Variants in CADPS observed in about 807,000 individuals in gnomAD.
CADPS encodes calcium-dependent secretion activator 1.
CADPS carries 57 observed loss-of-function variants against 167.3 expected under a neutral mutation model. That is an observed-to-expected ratio of 0.34 (90% CI 0.28 to 0.42). CADPS has a LOEUF of 0.42. Ranked by LOEUF, CADPS falls within the 20% of genes least tolerant of loss-of-function variation. The pLI is 1.00. For synonymous variants in CADPS, 676 were observed against 635.3 expected, an observed-to-expected ratio of 1.06 and a Z score of -0.96; for missense variants, 1,414 against 1,738.1, an observed-to-expected ratio of 0.81 and a Z score of 3.32.
intron 10 of CADPS, 113 bp from the exon 11 acceptor site, chr3:62,550,228 G>C (rs550080443): frequency 4.0e-6 from 3 of 746,592 alleles, no homozygotes; most frequent in South Asian, 1.7e-5. Flanking sequence ...GAAGAGGGGG[G>C]TAGTGATTAA....
chr3:62,654,944 T>C (rs1032284725), intron 4 of CADPS, among the ~76,000 whole-genome samples: 1 of 152,150 alleles, frequency 6.6e-6, no homozygotes, highest in African/African-American at 2.4e-5. Flanking sequence ...TCTTAGGGAC[T>C]CACTCAGTGC....
chr3:62,822,056 A>G (rs2094946284), intron 1 of CADPS, among the ~76,000 whole-genome samples: 1 of 152,078 alleles, frequency 6.6e-6, no homozygotes, highest in Admixed American at 6.5e-5. Flanking sequence ...AATCCTTCCC[A>G]TTCTTGGAGT....
At chr3:62,721,388 T>C (rs2075803104) in intron 3 of CADPS, among the ~76,000 whole-genome samples, 1 of 152,014 alleles carries the variant, frequency 6.6e-6, no homozygotes, top group Non-Finnish European at 1.5e-5. Flanking sequence ...GAAATTACTT[T>C]ACCGTGGAGG....
In CADPS at chr3:62,518,225, C is replaced by A. The variant is rs759381698; in HGVS notation, c.2317G>T (p.Val773Phe). The A allele has an allele frequency of 6.2e-7, 1 of 1,612,600 alleles. No individual in the cohort carries two copies. The highest frequency in any genetic ancestry group is 1.7e-5 in the Admixed American group (1 of 59,974). Residue 773 changes from valine (V) to phenylalanine (F), a missense_variant, in exon 14 of 30, where the codon GTT becomes TTT. Around this residue, in one of 6 missense-constraint regions of CADPS, gnomAD observed 529 missense variants for 629.6 expected, o/e 0.84. Transcript: ENST00000383710. ...TCTTCAAAACGTTCCTTTTCTTCAA[C>A]AGTCACAGTTCCAATTCCATCAGGC... ...NRPDGIGTVT[V>F]EEKERFEEIK...
intron 21 of CADPS, among the ~76,000 whole-genome samples, chr3:62,487,499 G>C (rs1038750786): frequency 6.6e-6 from 1 of 152,192 alleles, no homozygotes; most frequent in African/African-American, 2.4e-5. Flanking sequence ...TTGACAACTT[G>C]GGACTGTCTT....
At chr3:62,653,848 C>A (rs927858061) in intron 4 of CADPS, among the ~76,000 whole-genome samples, 1 of 152,014 alleles carries the variant, frequency 6.6e-6, no homozygotes, top group Non-Finnish European at 1.5e-5. Flanking sequence ...CGTCACAGTA[C>A]CAGTTCCTTC....
intron 3 of CADPS, among the ~76,000 whole-genome samples, chr3:62,733,102 A>G (rs568961936): frequency 1.6e-4 from 25 of 152,330 alleles, no homozygotes; most frequent in African/African-American, 6.0e-4. Context: ...GACAAAGATT[A>G]AGCATACTTC....
intron 8 of CADPS, among the ~76,000 whole-genome samples, chr3:62,577,962 C>G (rs573097907): frequency 1.3e-5 from 2 of 151,976 alleles, no homozygotes; most frequent in African/African-American, 2.4e-5. Flanking sequence ...ATAGGACAAA[C>G]AGAAAATAAA....
chr3:62,847,421 CT>C (rs546576005), intron 1 of CADPS, among the ~76,000 whole-genome samples: 180 of 40,598 alleles, frequency 4.4e-3, no homozygotes, highest in African/African-American at 5.3e-3. Context: ...AATGCTATCC[CT>C]CCCCCCTCCC....
rs112646783 is a variant in CADPS, at chr3:62,721,036, A to C, written c.888+32405T>G. Among the ~76,000 whole-genome samples the C allele has an allele frequency of 2.1e-3, 307 of 149,464 alleles. 1 individual carries two copies. The highest frequency in any genetic ancestry group is 7.0e-3 in the African/African-American group (284 of 40,524). On this transcript the variant is annotated intron_variant, in intron 3 of 29. Coordinates refer to ENST00000383710, the MANE Select transcript of CADPS (RefSeq NM_003716.4). ...GTTTCACTGCATTAGCCAGGATGGT[A>C]TCAATCTCCTGACCTCGTGATCTGC...
intron 28 of CADPS, among the ~76,000 whole-genome samples, chr3:62,416,939 G>T (rs2050179775): frequency 6.6e-6 from 1 of 151,938 alleles, no homozygotes; most frequent in African/African-American, 2.4e-5. Context: ...GGCTGGAGTG[G>T]AGTGGCGCGA....
At chr3:62,405,343 G>C (rs1035094779) in intron 28 of CADPS, among the ~76,000 whole-genome samples, 1 of 151,568 alleles carries the variant, frequency 6.6e-6, no homozygotes, top group Admixed American at 6.6e-5. Context: ...GTGGCATTTT[G>C]CTTTGGCTGT....
At chr3:62,855,655 G>A (rs1044967942) in intron 1 of CADPS, among the ~76,000 whole-genome samples, 5 of 152,090 alleles carry the variant, frequency 3.3e-5, no homozygotes. Context: ...GTCACAAAAC[G>A]TAAGTTGTCA....
chr3:62,567,621 C>CTGGAA (rs1053771291), intron 9 of CADPS, among the ~76,000 whole-genome samples: 9 of 116,010 alleles, frequency 7.8e-5, no homozygotes, highest in Admixed American at 7.6e-4. Flanking sequence ...GTCTCCCAGG[C>CTGGAA]TGGAATGCAG....
rs567521158 is a variant in CADPS at position 62,766,440 on chromosome 3, GT to G, written c.442-457del. 9.2e-5 allele frequency among the ~76,000 whole-genome samples: 14 copies of G among 151,410 alleles called. No homozygotes were observed. The South Asian group carries it at 1.9e-3, about 20-fold the overall frequency. Reference sequence around the variant, plus strand: ...GGAAATTGGCAAATGCTACAAAACAGTTTTTTTTTCCCCTCCTGAGAAATGG... The same window carrying G: ...GGAAATTGGCAAATGCTACAAAACAGTTTTTTTTCCCCTCCTGAGAAATGG... On this transcript the variant is annotated intron_variant, in intron 1 of 29. Transcript: ENST00000383710.
At chr3:62,634,247 A>C (rs2065839342) in intron 6 of CADPS, among the ~76,000 whole-genome samples, 1 of 152,076 alleles carries the variant, frequency 6.6e-6, no homozygotes, top group African/African-American at 2.4e-5. Context: ...AATTTTTTTG[A>C]AGATTTCTTG....
At chr3:62,475,099 A>G (rs2061099631) in intron 23 of CADPS, among the ~76,000 whole-genome samples, 1 of 152,238 alleles carries the variant, frequency 6.6e-6, no homozygotes, top group Non-Finnish European at 1.5e-5. Flanking sequence ...ATACAAATTC[A>G]AGAATTGTGT....
intron 11 of CADPS, among the ~76,000 whole-genome samples, chr3:62,538,724 G>A (rs1322967244): frequency 6.6e-6 from 1 of 152,100 alleles, no homozygotes; most frequent in African/African-American, 2.4e-5. Context: ...GAGAGAAGGG[G>A]GCTCTTTTGT....
chr3:62,869,772 A>G (rs933642996), intron 1 of CADPS, among the ~76,000 whole-genome samples: 8 of 152,166 alleles, frequency 5.3e-5, no homozygotes, highest in Admixed American at 2.6e-4. Context: ...TGCAATGAGT[A>G]ACTGGTCAGT....
Sources: gnomAD v4.1 joint callset for allele counts (sites outside exome capture counted in the v4.1 genomes callset) on GRCh38, gnomAD v4.1.1 for gene constraint, gnomAD v4.1.1 regional missense constraint, MANE v1.5 for transcripts, NCBI Gene and HGNC (gene_info 2026-07-23, HGNC 2026-07-21) for gene names.